The following FAM107A variants were observed in gnomAD, a reference collection of about 807,000 sequenced individuals.
The protein encoded by FAM107A is family with sequence similarity 107 member A.
A neutral mutation model predicts 13.7 loss-of-function variants in FAM107A; 19 were observed. The ratio of observed to expected loss-of-function variants is 1.38; its 90% CI spans 0.97 to 2.03. The LOEUF (loss-of-function observed/expected upper bound fraction) is 2.03, where lower values mean the gene tolerates loss of function less well. FAM107A is among the 30% of genes most tolerant of loss of function. The pLI is 0.00. For synonymous variants in FAM107A, 82 were observed against 74.5 expected (o/e 1.10, Z -0.52); for missense variants, 203 against 184.4 (o/e 1.10, Z -0.58).
At chr3:58,594,980 G>A (rs2065685883) in intron 1 of FAM107A, among the ~76,000 whole-genome samples, 1 of 152,000 alleles carries the variant, frequency 6.6e-6, no homozygotes, top group Non-Finnish European at 1.5e-5. Context: ...TGGACCTTGT[G>A]TCTTCCGTTT....
rs11708420 is a variant in FAM107A at position 58,613,962 on chromosome 3, A to G, written c.-70+13454T>C. On this transcript the variant is annotated intron_variant, in intron 1 of 3. Transcript: ENST00000465970. The surrounding 1 kb of genome is among the most constrained non-coding windows in gnomAD (Gnocchi z 4.6). ...TACCTGGGAAGTGCCAGTGGGCTGG[A>G]CCGGATCAGCATCAGTCACTAGGGG... Among the ~76,000 whole-genome samples the G allele has an allele frequency of 0.38, 58,158 of 152,122 alleles. 12,253 individuals are homozygous for G. Among genetic ancestry groups the G allele is most frequent in the East Asian group, 0.53 (2,755 of 5,174 alleles).
At chr3:58,618,686 TG>T (rs1427512968) in intron 1 of FAM107A, among the ~76,000 whole-genome samples, 2 of 152,058 alleles carry the variant, frequency 1.3e-5, no homozygotes, top group Non-Finnish European at 2.9e-5. Flanking sequence ...GGCCCGAGGA[TG>T]GGGGGAAGGT....
At chr3:58,582,047 C>A (rs547652709), upstream of FAM107A, among the ~76,000 whole-genome samples, 23 of 152,114 alleles carry the variant, frequency 1.5e-4, no homozygotes, top group African/African-American at 4.1e-4. Flanking sequence ...TGTATGTGTG[C>A]GCGCATGCAT....
At chr3:58,581,847 A>G (rs1218029991), upstream of FAM107A, among the ~76,000 whole-genome samples, 1 of 152,254 alleles carries the variant, frequency 6.6e-6, no homozygotes, top group Non-Finnish European at 1.5e-5. Context: ...CTCTCCACCC[A>G]GCTGCAATTA....
chr3:58,607,425 A>C (rs2065805178), intron 1 of FAM107A, among the ~76,000 whole-genome samples: 1 of 152,122 alleles, frequency 6.6e-6, no homozygotes, highest in African/African-American at 2.4e-5. Context: ...GGTGGCCTCC[A>C]TGACTCTCAC....
intron 1 of FAM107A, among the ~76,000 whole-genome samples, chr3:58,595,120 C>G (rs1315680919): frequency 2.0e-5 from 3 of 152,084 alleles, no homozygotes; most frequent in Admixed American, 6.5e-5. Context: ...CTCTCCCACT[C>G]TAGGTTCCCA....
intron 1 of FAM107A, chr3:58,627,157 G>T: frequency 2.9e-6 from 2 of 678,182 alleles, no homozygotes; most frequent in Non-Finnish European, 5.1e-6. Context: ...TTTCACAGCT[G>T]CTCCTAAGCC....
chr3:58,579,718 C>A (rs551887748), upstream of FAM107A, among the ~76,000 whole-genome samples: 1 of 152,190 alleles, frequency 6.6e-6, no homozygotes, highest in Non-Finnish European at 1.5e-5. Context: ...ACAGCTCCTG[C>A]TCATCCCCGG....
At chr3:58,587,481 G>A (rs1357693878), upstream of FAM107A, among the ~76,000 whole-genome samples, 1 of 49,700 alleles carries the variant, frequency 2.0e-5, no homozygotes, top group East Asian at 9.8e-4. Context: ...TAGAGTGTGT[G>A]TGTGTGTGTG....
At chr3:58,623,311 G>A (rs1454085031) in intron 1 of FAM107A, among the ~76,000 whole-genome samples, 1 of 152,190 alleles carries the variant, frequency 6.6e-6, no homozygotes, top group African/African-American at 2.4e-5. Flanking sequence ...AGGGTCAGAG[G>A]ACAGGACTCT....
chr3:58,577,639 C>T (rs151110295), upstream of FAM107A: 133 of 985,338 alleles, frequency 1.3e-4, no homozygotes, highest in African/African-American at 1.2e-3. The surrounding 1 kb of genome is among the most constrained non-coding windows in gnomAD (Gnocchi z 4.9). Flanking sequence ...ATAAGAAACA[C>T]GCCAAGCTTT....
Position 58,602,859 on chromosome 3 carries a change from G to A in FAM107A, c.-69-13590C>T, listed in dbSNP as rs527540367. Among the ~76,000 whole-genome samples the A allele has an allele frequency of 2.0e-5, 3 of 152,166 alleles. No homozygotes were observed. In the East Asian group the frequency reaches 5.8e-4, roughly 29 times the overall value. On this transcript the variant is annotated intron_variant, in intron 1 of 3. Transcript: ENST00000465970. ...CCAACCTAATATATACATGTTTGTG[G>A]GTATAGATATGTGTATATACATGTT... is the stretch of plus-strand genomic sequence containing the variant.
At position 58,565,589 on chromosome 3, in the gene FAM107A, A is replaced by G. The variant is rs943194675; in HGVS notation, c.*999T>C. 1.3e-5 allele frequency: 2 copies of G among 151,956 alleles called. No individual in the cohort carries two copies. Among genetic ancestry groups the G allele is most frequent in the African/African-American group, 4.8e-5 (2 of 41,380 alleles). The allele number at this position is 151,956 out of a possible 1,614,324, so 9.4% of individuals were successfully genotyped here. On this transcript the variant is annotated 3_prime_UTR_variant, in exon 4 of 4. Coordinates refer to ENST00000360997, the MANE Select transcript of FAM107A (RefSeq NM_001076778.3). ...TGCTAGGCCAAAGTCTTCACGGGCAATCCCTGGGGTGGGAGTCTGGGATGG... is the reference window on the plus strand; with the variant it reads ...TGCTAGGCCAAAGTCTTCACGGGCAGTCCCTGGGGTGGGAGTCTGGGATGG...
rs1247414384 is a variant in FAM107A, at chr3:58,613,553, G to A, written c.-70+13863C>T. ...TCTCAGTGCCCTGAGTGCCAGCAAG[G>A]CCTCTCTCCTCTGGCCTTTGTGTAA... On this transcript the variant is annotated intron_variant, in intron 1 of 3. Transcript: ENST00000465970. The surrounding 1 kb of genome is among the most constrained non-coding windows in gnomAD (Gnocchi z 4.6). 6.6e-6 allele frequency among the ~76,000 whole-genome samples: 1 copy of A among 152,146 alleles called. No individual in the cohort carries two copies. The highest frequency in any genetic ancestry group is 2.4e-5 in the African/African-American group (1 of 41,426).
intron 1 of FAM107A, among the ~76,000 whole-genome samples, chr3:58,618,018 G>A (rs992056431): frequency 6.6e-6 from 1 of 152,178 alleles, no homozygotes; most frequent in Admixed American, 6.5e-5. Flanking sequence ...CGTCTGCTTT[G>A]GTGAAATGGG....
At chr3:58,567,163 C>A (rs186377896) in intron 3 of FAM107A, 45 bp downstream of exon 3, 318 of 1,611,540 alleles carry the variant, frequency 2.0e-4, no homozygotes, top group Non-Finnish European at 1.9e-4. Context: ...CCCTGGAGGA[C>A]AGCCCTGGAG....
At chr3:58,585,533 G>T (rs1404591352) in intron 1 of FAM107A, among the ~76,000 whole-genome samples, 1 of 152,228 alleles carries the variant, frequency 6.6e-6, no homozygotes, top group East Asian at 1.9e-4. Context: ...CGGGCCGCGC[G>T]GGGCGCGGGG....
At chr3:58,602,200 C>T (rs1463381033) in intron 1 of FAM107A, among the ~76,000 whole-genome samples, 3 of 152,178 alleles carry the variant, frequency 2.0e-5, no homozygotes, top group African/African-American at 7.2e-5. Context: ...AAACGGTCCA[C>T]AAACGTAAGA....
intron 1 of FAM107A, among the ~76,000 whole-genome samples, chr3:58,593,322 C>T (rs892203842): frequency 2.0e-5 from 3 of 152,200 alleles, no homozygotes; most frequent in Non-Finnish European, 4.4e-5. Flanking sequence ...TTTATACAGT[C>T]ACCCCCACTA....
Sources: gnomAD v4.1 joint callset for allele counts (sites outside exome capture counted in the v4.1 genomes callset) on GRCh38, gnomAD v4.1.1 for gene constraint, Gnocchi (gnomAD v3.1) non-coding constraint, MANE v1.5 for transcripts, NCBI Gene and HGNC (gene_info 2026-07-23, HGNC 2026-07-21) for gene names.